ADCY7: variants seen among roughly 807,000 people sequenced by gnomAD.
ADCY7 encodes the protein adenylate cyclase 7, also known as adenylate cyclase type 7.
A neutral mutation model predicts 120.6 loss-of-function variants in ADCY7; 72 were observed. The observed-to-expected ratio is 0.60, with a 90% CI of 0.49 to 0.73. The LOEUF is 0.73. Ranked by LOEUF, ADCY7 falls within the 30% of genes least tolerant of loss-of-function variation. ADCY7 has a pLI of 0.00. For missense variants in ADCY7, 1,227 were observed against 1,486.0 expected (o/e 0.83, Z 2.87); for synonymous variants, 661 against 628.0 (o/e 1.05, Z -0.78).
chr16:50,313,848 C>T (rs916558811), intron 22 of ADCY7, 110 bp from the exon 23 acceptor site: 28 of 819,216 alleles, frequency 3.4e-5, no homozygotes, highest in South Asian at 1.3e-4. Context: ...GACGTGTGTG[C>T]GAGAGGCGGC....
chr16:50,309,500 T>C, intron 17 of ADCY7, 48 bp from the exon 18 acceptor site: 1 of 1,526,582 alleles, frequency 6.6e-7, no homozygotes, highest in South Asian at 1.1e-5. Context: ...CTTGGGCAGG[T>C]TCCAGCGTTC....
At chr16:50,245,881 C>T (rs2032564549), upstream of ADCY7, among the ~76,000 whole-genome samples, 1 of 151,470 alleles carries the variant, frequency 6.6e-6, no homozygotes, top group African/African-American at 2.4e-5. Context: ...GACGCCTTTC[C>T]TTCCTGCGGC....
At chr16:50,270,896 G>T (rs867964682) in intron 1 of ADCY7, among the ~76,000 whole-genome samples, 1 of 152,160 alleles carries the variant, frequency 6.6e-6, no homozygotes, top group Non-Finnish European at 1.5e-5. Flanking sequence ...TGTGTGTGCC[G>T]GGGATCCCGC....
chr16:50,275,567 G>A (rs1448747215), intron 1 of ADCY7, among the ~76,000 whole-genome samples: 3 of 152,218 alleles, frequency 2.0e-5, no homozygotes, highest in Non-Finnish European at 4.4e-5. Flanking sequence ...TTTCCTGCAG[G>A]ACTTGTCAGA....
At chr16:50,293,087 C>T (rs2035098716) in intron 5 of ADCY7, among the ~76,000 whole-genome samples, 1 of 152,198 alleles carries the variant, frequency 6.6e-6, no homozygotes, top group Non-Finnish European at 1.5e-5. Context: ...GGCTGCTCAC[C>T]CATCAGCTTA....
At position 50,287,696 on chromosome 16, in the gene ADCY7, A is replaced by AG. The variant is rs377631377; in HGVS notation, c.-268-215dup. Among the ~76,000 whole-genome samples, 16 of 151,374 alleles carry AG rather than the reference A, an allele frequency of 1.1e-4. No individual in the cohort carries two copies. The South Asian group carries it at 2.9e-3, about 28-fold the overall frequency. On this transcript the variant is annotated intron_variant, in intron 1 of 25. Coordinates refer to ENST00000673801, the MANE Select transcript of ADCY7 (RefSeq NM_001114.5). ...CCCTGTCTTGAAAAAAAAAAAAAAA[A>AG]GCAGCCACATGTGGCTAGTGGCTAC...
rs758434338 is a variant in ADCY7, at chr16:50,304,898, T to C, written c.1561-27T>C. The C allele has an allele frequency of 5.6e-6, 9 of 1,613,656 alleles. No homozygotes were observed. The East Asian group carries it at 1.3e-4, about 24-fold the overall frequency. On this transcript the variant is annotated intron_variant, in intron 11 of 25. Coordinates refer to ENST00000673801, the MANE Select transcript of ADCY7 (RefSeq NM_001114.5). The stretch of plus-strand genomic sequence containing the variant: ...AGGGCCCAGTGTTCTGGGGAATGAC[T>C]GTATCCTTTCCTCCCTTCCCTTTCA...
chr16:50,307,779 C>T (rs1434758347), intron 15 of ADCY7, among the ~76,000 whole-genome samples: 1 of 152,048 alleles, frequency 6.6e-6, no homozygotes, highest in South Asian at 2.1e-4. Context: ...GCGAATCACT[C>T]GAGGTCAGGG....
intron 1 of ADCY7, among the ~76,000 whole-genome samples, chr16:50,255,402 G>GGAAAAAAAAAAAAAAAAAAAAAAA (rs368044444): frequency 9.2e-6 from 1 of 108,140 alleles, no homozygotes; most frequent in African/African-American, 3.7e-5. Flanking sequence ...TCTGTTTCTG[G>GGAAAAAAAAAAAAAAAAAAAAAAA]AAAAAAAAAA....
intron 1 of ADCY7, among the ~76,000 whole-genome samples, chr16:50,283,205 G>A (rs1298998729): frequency 6.6e-6 from 1 of 152,210 alleles, no homozygotes; most frequent in Non-Finnish European, 1.5e-5. Context: ...AGTGACAGAA[G>A]CTCAAACTGG....
chr16:50,315,274 G>A, intron 25 of ADCY7, 85 bp from the exon 26 acceptor site: 1 of 1,566,460 alleles, frequency 6.4e-7, no homozygotes, highest in East Asian at 2.3e-5. Flanking sequence ...AAGGCAGACT[G>A]CATGCCTGGG....
Position 50,314,290 on chromosome 16 carries a change from A to T in ADCY7, c.2857-2A>T, listed in dbSNP as rs748356322. The T allele has an allele frequency of 6.2e-7, 1 of 1,613,594 alleles. No homozygotes were observed. The highest frequency in any genetic ancestry group is 1.3e-5 in the African/African-American group (1 of 74,944). On this transcript the variant is annotated splice_acceptor_variant, in intron 23 of 25. Transcript: ENST00000673801. LOFTEE classifies it high-confidence loss of function. ...GGATCTGACCCACAGCCTGTCCCGC[A>T]GGAGCTGGAGCGGCAGCATGCCCAC...
intron 1 of ADCY7, chr16:50,246,296 C>T (rs1596778179): frequency 6.6e-6 from 1 of 151,426 alleles, no homozygotes; most frequent in South Asian, 2.1e-4. Context: ...CCGCGCGGTC[C>T]CCACACAGGC....
chr16:50,260,236 G>A (rs553459901), intron 1 of ADCY7, among the ~76,000 whole-genome samples: 3 of 152,364 alleles, frequency 2.0e-5, no homozygotes, highest in East Asian at 3.9e-4. Flanking sequence ...TGGTGCTGGG[G>A]AGAGGTGGTC....
intron 1 of ADCY7, among the ~76,000 whole-genome samples, chr16:50,270,643 C>T (rs2033507997): frequency 6.6e-6 from 1 of 152,188 alleles, no homozygotes; most frequent in Admixed American, 6.5e-5. Flanking sequence ...GATTGGACCT[C>T]CCTGGGGGAG....
At chr16:50,267,228 A>G (rs2150817902) in intron 1 of ADCY7, among the ~76,000 whole-genome samples, 1 of 152,322 alleles carries the variant, frequency 6.6e-6, no homozygotes, top group South Asian at 2.1e-4. Flanking sequence ...TCTATCCCCC[A>G]GGGACCGCAT....
chr16:50,291,620 C>T lies in ADCY7; in HGVS notation c.376-116C>T, dbSNP rs1404761293. On this transcript the variant is annotated intron_variant, in intron 3 of 25. Transcript: ENST00000673801. Reference sequence around the variant, plus strand: ...GTATGTCTGCCCACGCAGGGGGTGGCGAGGGAGCCAACCTAAGGATACGCA... The same window carrying T: ...GTATGTCTGCCCACGCAGGGGGTGGTGAGGGAGCCAACCTAAGGATACGCA... 20 of 1,213,790 alleles carry T rather than the reference C, an allele frequency of 1.6e-5. No homozygotes were observed. In the South Asian group the frequency reaches 1.7e-4, roughly 10 times the overall value. 75.2% of individuals were successfully genotyped at this position (1,213,790 alleles called of 1,614,324 possible).
intron 10 of ADCY7, among the ~76,000 whole-genome samples, chr16:50,303,643 C>T (rs1230054798): frequency 1.3e-5 from 2 of 148,768 alleles, no homozygotes; most frequent in African/African-American, 2.5e-5. Context: ...TGAGTGGGGG[C>T]GGGTAGGGCT....
upstream of ADCY7, among the ~76,000 whole-genome samples, chr16:50,264,691 T>C (rs562887973): frequency 2.0e-5 from 3 of 152,350 alleles, no homozygotes; most frequent in African/African-American, 7.2e-5. Context: ...GGTTTTAATT[T>C]GCTGGTGGCT....
Sources: gnomAD v4.1 joint callset for allele counts (sites outside exome capture counted in the v4.1 genomes callset) on GRCh38, gnomAD v4.1.1 for gene constraint, MANE v1.5 for transcripts, NCBI Gene and HGNC (gene_info 2026-07-23, HGNC 2026-07-21) for gene names.